The following COL5A1 variants were observed in gnomAD, a reference collection of about 807,000 sequenced individuals.
COL5A1 encodes collagen type V alpha 1 chain.
In COL5A1, 16 loss-of-function variants were observed where a neutral mutation model predicts 263.7. The observed-to-expected ratio is 0.06, with a 90% CI of 0.04 to 0.09. COL5A1 has a LOEUF of 0.09. Ranked by LOEUF, COL5A1 falls within the 10% of genes least tolerant of loss-of-function variation. The pLI is 1.00. For missense variants in COL5A1, 2,036 were observed against 2,540.5 expected (o/e 0.80, Z 4.27); for synonymous variants, 1,012 against 1,004.5 (o/e 1.01, Z -0.14).
chr9:134,652,956 A>C lies in COL5A1; in HGVS notation c.109+10660A>C. The C allele has an allele frequency of 3.3e-6, 1 of 298,772 alleles. No individual in the cohort carries two copies. The allele number at this position is 298,772 out of a possible 1,614,324, so 18.5% of individuals were successfully genotyped here. On this transcript the variant is annotated intron_variant, in intron 1 of 65. Coordinates refer to ENST00000371817, the MANE Select transcript of COL5A1 (RefSeq NM_000093.5). This position sits in a 1 kb window ranked among gnomAD's most constrained non-coding sequence, Gnocchi z 4.4. The stretch of plus-strand genomic sequence containing the variant: ...ATGCTGGAGCGTCTGGGGGTGCCAC[A>C]CTTTGCAAACCACGAGTCGTTCTGC...
At chr9:134,720,974 G>C (rs910848515) in intron 4 of COL5A1, among the ~76,000 whole-genome samples, 1 of 152,130 alleles carries the variant, frequency 6.6e-6, no homozygotes, top group Non-Finnish European at 1.5e-5. Context: ...AGCAGTTATG[G>C]CTCCTGAATC....
intron 48 of COL5A1, 147 bp from the exon 49 acceptor site, chr9:134,813,836 T>G: frequency 1.3e-6 from 1 of 770,774 alleles, no homozygotes; most frequent in Non-Finnish European, 2.3e-6. Context: ...TGGGAGTGTG[T>G]GGGGACAGCA....
intron 4 of COL5A1, chr9:134,709,144 C>A (rs769946251): frequency 5.6e-6 from 2 of 356,620 alleles, no homozygotes; most frequent in African/African-American, 4.3e-5. Context: ...ACCCATCCCT[C>A]GGGGCCATGA....
intron 41 of COL5A1, among the ~76,000 whole-genome samples, chr9:134,805,844 G>A (rs181511729): frequency 2.0e-4 from 30 of 150,440 alleles, no homozygotes; most frequent in Admixed American, 1.0e-3. Flanking sequence ...AGGGAAGGGG[G>A]TGCCTCACAG....
chr9:134,792,247 G>C (rs1322202172), intron 32 of COL5A1, among the ~76,000 whole-genome samples: 1 of 152,220 alleles, frequency 6.6e-6, no homozygotes, highest in South Asian at 2.1e-4. Context: ...TTAGCCAGGG[G>C]GAATGGCACT....
At chr9:134,654,957 G>T (rs1831896450) in intron 1 of COL5A1, among the ~76,000 whole-genome samples, 1 of 107,126 alleles carries the variant, frequency 9.3e-6, no homozygotes, top group Non-Finnish European at 2.0e-5. Context: ...GTAGAGCTGG[G>T]GGAGGGTAGG....
chr9:134,670,780 C>A (rs980584447), intron 1 of COL5A1, among the ~76,000 whole-genome samples: 1 of 152,244 alleles, frequency 6.6e-6, no homozygotes, highest in Non-Finnish European at 1.5e-5. Flanking sequence ...TCATTACTTT[C>A]CCCTCCTTCC....
intron 53 of COL5A1, 103 bp from the exon 54 acceptor site, chr9:134,817,675 C>T: frequency 9.3e-7 from 1 of 1,071,196 alleles, no homozygotes; most frequent in Non-Finnish European, 1.4e-6. Context: ...TCCCTCTGCC[C>T]CTGCAGGCCA....
rs1304777479 is a variant in COL5A1 at position 134,642,630 on chromosome 9, C to T, written c.109+334C>T. Among the ~76,000 whole-genome samples the T allele has an allele frequency of 2.0e-5, 3 of 152,244 alleles. No homozygotes were observed. Among genetic ancestry groups the T allele is most frequent in the Non-Finnish European group, 2.9e-5 (2 of 68,036 alleles). On this transcript the variant is annotated intron_variant, in intron 1 of 65. Coordinates refer to ENST00000371817, the MANE Select transcript of COL5A1 (RefSeq NM_000093.5). The surrounding 1 kb of genome is among the most constrained non-coding windows in gnomAD (Gnocchi z 4.5). ...AAAACCTTCCTTCTCTGTCCCACAT[C>T]ACAGGCGCCCAGCTTGGGCCCTCAC...
Position 134,754,457 on chromosome 9 carries a change from G to T in COL5A1, c.1827+131G>T. 1 of 1,030,480 alleles carries T rather than the reference G, an allele frequency of 9.7e-7. No individual in the cohort carries two copies. Among genetic ancestry groups the T allele is most frequent in the East Asian group, 2.4e-5 (1 of 41,074 alleles). 63.8% of individuals were successfully genotyped at this position (1,030,480 alleles called of 1,614,324 possible). A position where few individuals can be genotyped will look rare whatever the true frequency, so the allele number is the denominator to read the frequency against. On this transcript the variant is annotated intron_variant, in intron 16 of 65. Coordinates refer to ENST00000371817, the MANE Select transcript of COL5A1 (RefSeq NM_000093.5). The surrounding 1 kb of genome is among the most constrained non-coding windows in gnomAD (Gnocchi z 4.3). ...CAGGTGGCTCCCCTTCTTGTGATGG[G>T]TGCGTCCATCCCCAAGGCTGCCTCT...
At chr9:134,774,838 T>C in intron 26 of COL5A1, 21 bp from the exon 27 acceptor site, 10 of 1,612,586 alleles carry the variant, frequency 6.2e-6, no homozygotes, top group Non-Finnish European at 7.6e-6. Context: ...GGGCTAACGG[T>C]CTTTTTCTGT....
intron 4 of COL5A1, among the ~76,000 whole-genome samples, chr9:134,723,501 A>G (rs1332965115): frequency 1.3e-5 from 2 of 152,192 alleles, no homozygotes; most frequent in Non-Finnish European, 2.9e-5. Flanking sequence ...CTGCACACAT[A>G]GGCTCCAGGT....
In COL5A1 at chr9:134,782,669, T is replaced by C. The variant is rs1554798918; in HGVS notation, c.2433T>C (p.Gly811=). ...RGLKGTKGEK[G]EDGFPGFKGD... ...GCACTCTCTTGTCCCATATTCAGGG[T>C]GAAGACGGCTTTCCTGGGTTTAAAG... The change falls in exon 29 of 66, where the codon GGT becomes GGC. Residue 811 remains glycine (G), a splice_region_variant and synonymous_variant. Coordinates refer to ENST00000371817, the MANE Select transcript of COL5A1 (RefSeq NM_000093.5). 6.2e-7 allele frequency: 1 copy of C among 1,613,532 alleles called. No individual in the cohort carries two copies. The highest frequency in any genetic ancestry group is 8.5e-7 in the Non-Finnish European group (1 of 1,179,918).
chr9:134,740,546 G>T (rs1377042821), intron 11 of COL5A1, among the ~76,000 whole-genome samples: 1 of 152,260 alleles, frequency 6.6e-6, no homozygotes, highest in African/African-American at 2.4e-5. Context: ...AGGGCACCCA[G>T]ATGCTGACTG....
chr9:134,729,415 G>T (rs1415087477), intron 6 of COL5A1, among the ~76,000 whole-genome samples: 1 of 152,334 alleles, frequency 6.6e-6, no homozygotes, highest in South Asian at 2.1e-4. Context: ...GGTAAAGAGG[G>T]TGGGGTGTGA....
intron 65 of COL5A1, among the ~76,000 whole-genome samples, chr9:134,838,584 C>A (rs1482641792): frequency 1.3e-5 from 2 of 152,184 alleles, no homozygotes; most frequent in Non-Finnish European, 2.9e-5. Context: ...CTGGCTCACT[C>A]TCTCGCCCCC....
At chr9:134,753,757 C>A in intron 14 of COL5A1, 93 bp from the exon 15 acceptor site, 1 of 707,126 alleles carries the variant, frequency 1.4e-6, no homozygotes. Flanking sequence ...AGCCCTGTCC[C>A]CTCCCCCTGC....
chr9:134,644,205 G>A (rs1316099082), intron 1 of COL5A1, among the ~76,000 whole-genome samples: 1 of 143,084 alleles, frequency 7.0e-6, no homozygotes, highest in Non-Finnish European at 1.5e-5. Context: ...GGCGCTGGGG[G>A]GAGGGGGCGG....
At chr9:134,788,343 G>A (rs1006035085) in intron 31 of COL5A1, among the ~76,000 whole-genome samples, 2 of 150,192 alleles carry the variant, frequency 1.3e-5, no homozygotes, top group Non-Finnish European at 2.9e-5. Context: ...TAGGCAAATC[G>A]ATGGATGAAT....
Sources: gnomAD v4.1 joint callset for allele counts (sites outside exome capture counted in the v4.1 genomes callset) on GRCh38, gnomAD v4.1.1 for gene constraint, Gnocchi (gnomAD v3.1) non-coding constraint, MANE v1.5 for transcripts, NCBI Gene and HGNC (gene_info 2026-07-23, HGNC 2026-07-21) for gene names.